The following PLA2G4E variants were observed in gnomAD, a reference collection of about 807,000 sequenced individuals.
PLA2G4E encodes the protein cytosolic phospholipase A2 epsilon.
Under a neutral mutation model 109.1 loss-of-function variants are expected in PLA2G4E, and 84 were observed. The observed-to-expected ratio is 0.77, with a 90% CI of 0.65 to 0.92. The LOEUF is 0.92. PLA2G4E is among the 40% of genes least tolerant of loss of function. The pLI, the probability that PLA2G4E is intolerant of heterozygous loss-of-function variation, is 0.00. For missense variants in PLA2G4E, 1,057 were observed against 1,076.6 expected, an observed-to-expected ratio of 0.98 and a Z score of 0.25; for synonymous variants, 469 against 436.1, an observed-to-expected ratio of 1.08 and a Z score of -0.94.
At chr15:42,025,588 A>C (rs2068687083) in intron 1 of PLA2G4E, among the ~76,000 whole-genome samples, 1 of 151,954 alleles carries the variant, frequency 6.6e-6, no homozygotes, top group Non-Finnish European at 1.5e-5. Context: ...ACTGGGACCC[A>C]TTGTATGCAG....
intron 1 of PLA2G4E, among the ~76,000 whole-genome samples, chr15:42,029,700 T>C (rs184016553): frequency 2.0e-5 from 3 of 152,320 alleles, no homozygotes; most frequent in African/African-American, 4.8e-5. Context: ...GGTAAGTTTA[T>C]CCCTCTAAGC....
chr15:42,043,296 G>C (rs1216991873), intron 1 of PLA2G4E, among the ~76,000 whole-genome samples: 1 of 152,120 alleles, frequency 6.6e-6, no homozygotes, highest in East Asian at 1.9e-4. Context: ...CTGACGGTGG[G>C]AACTTTACTA....
chr15:42,035,041 C>G (rs1051248070), intron 1 of PLA2G4E, among the ~76,000 whole-genome samples: 1 of 152,228 alleles, frequency 6.6e-6, no homozygotes, highest in Non-Finnish European at 1.5e-5. Context: ...ATGCCTTTCA[C>G]TGTCCCCTGA....
intron 1 of PLA2G4E, among the ~76,000 whole-genome samples, chr15:42,025,922 T>C (rs1000256040): frequency 6.6e-6 from 1 of 152,224 alleles, no homozygotes; most frequent in Admixed American, 6.5e-5. Context: ...CTATATATAA[T>C]TTAAAATGAA....
chr15:41,987,140 G>A, intron 17 of PLA2G4E, 32 bp downstream of exon 17: 1 of 1,578,532 alleles, frequency 6.3e-7, no homozygotes, highest in African/African-American at 1.3e-5. Flanking sequence ...CCATATGGAG[G>A]CAGGCCTCAA....
intron 1 of PLA2G4E, among the ~76,000 whole-genome samples, chr15:42,023,135 G>A (rs2068662352): frequency 6.6e-6 from 1 of 152,042 alleles, no homozygotes; most frequent in African/African-American, 2.4e-5. Flanking sequence ...AGATACTGGG[G>A]GTAGAGAGTG....
intron 12 of PLA2G4E, among the ~76,000 whole-genome samples, chr15:41,993,773 T>C (rs1022476798): frequency 6.6e-6 from 1 of 152,106 alleles, no homozygotes; most frequent in Non-Finnish European, 1.5e-5. Flanking sequence ...GGACTTGCTT[T>C]TGGGAAGGTG....
At chr15:42,000,955 G>C (rs1024671105) in intron 7 of PLA2G4E, among the ~76,000 whole-genome samples, 3 of 152,164 alleles carry the variant, frequency 2.0e-5, no homozygotes, top group African/African-American at 7.2e-5. Context: ...TGGGTGCTTG[G>C]GCGAACACGC....
chr15:42,010,201 G>A, intron 2 of PLA2G4E: 1 of 527,854 alleles, frequency 1.9e-6, no homozygotes, highest in East Asian at 5.6e-5. Context: ...CTGCAGGCAG[G>A]GTGCCAGCTC....
At chr15:42,021,568 T>C (rs899728127) in intron 1 of PLA2G4E, among the ~76,000 whole-genome samples, 1 of 150,810 alleles carries the variant, frequency 6.6e-6, no homozygotes, top group Non-Finnish European at 1.5e-5. Flanking sequence ...AGAAAGAAAA[T>C]AATTGCCCAA....
intron 1 of PLA2G4E, among the ~76,000 whole-genome samples, chr15:42,044,632 T>G (rs1889379318): frequency 4.9e-5 from 3 of 60,980 alleles, no homozygotes; most frequent in African/African-American, 6.7e-5. Flanking sequence ...TGGGGCCTGT[T>G]GTGGGATGGG....
chr15:42,042,974 G>A (rs376765786), intron 1 of PLA2G4E, among the ~76,000 whole-genome samples: 1 of 152,306 alleles, frequency 6.6e-6, no homozygotes, highest in East Asian at 1.9e-4. Flanking sequence ...GTGGAAATAG[G>A]GCCTTTCTGA....
rs560613540 is a variant in PLA2G4E, at chr15:41,986,773, G to A, written c.2035+399C>T. On this transcript the variant is annotated intron_variant, in intron 17 of 19. Transcript: ENST00000399518. ...TGGACTCAAGAGATTCTCCAGCCTC[G>A]GCCTCCCAAAGTGCTGGTGTTACAG... 6 of 206,618 alleles carry A rather than the reference G, an allele frequency of 2.9e-5. No homozygotes were observed. In the East Asian group the frequency reaches 3.9e-4, roughly 13 times the overall value. The allele number at this position is 206,618 out of a possible 1,614,324, so 12.8% of individuals were successfully genotyped here. A position where few individuals can be genotyped will look rare whatever the true frequency, so the allele number is the denominator to read the frequency against.
chr15:42,018,894 G>T (rs1483573467), intron 1 of PLA2G4E, among the ~76,000 whole-genome samples: 3 of 152,172 alleles, frequency 2.0e-5, no homozygotes, highest in African/African-American at 7.2e-5. Context: ...TACTTTTATA[G>T]ATATGACTTT....
intron 1 of PLA2G4E, among the ~76,000 whole-genome samples, chr15:42,029,012 T>C (rs1889070781): frequency 6.6e-6 from 1 of 152,228 alleles, no homozygotes. Context: ...ATTCTTAGTG[T>C]CATCAATGTA....
intron 1 of PLA2G4E, among the ~76,000 whole-genome samples, chr15:42,028,895 A>G (rs1018178318): frequency 6.6e-6 from 1 of 152,214 alleles, no homozygotes; most frequent in Non-Finnish European, 1.5e-5. Flanking sequence ...GAGATGTCCC[A>G]GAACTTCTGG....
intron 7 of PLA2G4E, 53 bp from the exon 8 acceptor site, chr15:42,000,335 G>C: frequency 6.8e-7 from 1 of 1,476,538 alleles, no homozygotes; most frequent in South Asian, 1.3e-5. Flanking sequence ...CTACCCACCT[G>C]CAACTTGGTC....
chr15:42,019,848 G>A (rs1566846426), intron 1 of PLA2G4E, among the ~76,000 whole-genome samples: 1 of 152,206 alleles, frequency 6.6e-6, no homozygotes, highest in Non-Finnish European at 1.5e-5. Flanking sequence ...GCCTGACAGG[G>A]GCAGATGCAG....
At chr15:42,044,666 G>T (rs1287532814) in intron 1 of PLA2G4E, among the ~76,000 whole-genome samples, 1 of 150,784 alleles carries the variant, frequency 6.6e-6, no homozygotes, top group Admixed American at 6.6e-5. Flanking sequence ...GATAGCATTA[G>T]GAGATATACC....
Sources: allele counts gnomAD v4.1 joint callset (sites outside exome capture counted in the v4.1 genomes callset), GRCh38; gene constraint gnomAD v4.1.1; transcripts MANE v1.5; gene names NCBI Gene and HGNC (gene_info 2026-07-23, HGNC 2026-07-21).